SORCS3: variants seen among roughly 807,000 people sequenced by gnomAD.
SORCS3 encodes the protein sortilin related VPS10 domain containing receptor 3.
A neutral mutation model predicts 146.3 loss-of-function variants in SORCS3; 57 were observed. The ratio of observed to expected loss-of-function variants is 0.39; its 90% CI spans 0.31 to 0.49. The LOEUF is 0.49. Among genes scored for constraint, SORCS3 ranks in the 20% least tolerant of loss-of-function variants. The pLI, the probability that SORCS3 is intolerant of heterozygous loss-of-function variation, is 0.92. For synonymous variants in SORCS3, 653 were observed against 618.5 expected (o/e 1.06, Z -0.83); for missense variants, 1,341 against 1,575.5 (o/e 0.85, Z 2.52).
chr10:104,756,852 G>A (rs2017058842), intron 1 of SORCS3, among the ~76,000 whole-genome samples: 1 of 152,146 alleles, frequency 6.6e-6, no homozygotes, highest in Non-Finnish European at 1.5e-5. Context: ...AGTGTATGGG[G>A]AACATTCTGA....
At chr10:104,718,761 C>A (rs887262851) in intron 1 of SORCS3, among the ~76,000 whole-genome samples, 6 of 152,046 alleles carry the variant, frequency 3.9e-5, no homozygotes, top group Non-Finnish European at 8.8e-5. Flanking sequence ...ATGTGATGAA[C>A]AAAGTAGGCC....
chr10:104,970,312 A>G (rs1295292976), intron 3 of SORCS3, among the ~76,000 whole-genome samples: 1 of 151,952 alleles, frequency 6.6e-6, no homozygotes. Context: ...ACGCCCAGCT[A>G]ATTTTTGTAT....
chr10:105,131,002 C>T (rs2056014633), intron 7 of SORCS3, among the ~76,000 whole-genome samples: 2 of 152,092 alleles, frequency 1.3e-5, no homozygotes, highest in Non-Finnish European at 1.5e-5. Context: ...AATTCATCCA[C>T]GCATAAGACT....
chr10:105,100,039 C>A (rs750805456), intron 6 of SORCS3, among the ~76,000 whole-genome samples: 1 of 152,106 alleles, frequency 6.6e-6, no homozygotes, highest in Non-Finnish European at 1.5e-5. Context: ...GATCCTTGGT[C>A]CCACGTCTGT....
chr10:104,992,135 G>A (rs2054998212), intron 4 of SORCS3, among the ~76,000 whole-genome samples: 1 of 152,146 alleles, frequency 6.6e-6, no homozygotes, highest in Non-Finnish European at 1.5e-5. Context: ...TTGGCAGTAG[G>A]GTGTAGGGGA....
chr10:105,262,188 G>T, intron 25 of SORCS3, 143 bp from the exon 26 acceptor site: 2 of 716,256 alleles, frequency 2.8e-6, no homozygotes. Context: ...TAGCCTCATT[G>T]TCTCTGGGGT....
intron 2 of SORCS3, among the ~76,000 whole-genome samples, chr10:104,873,261 G>A (rs1235147018): frequency 6.6e-6 from 1 of 152,182 alleles, no homozygotes; most frequent in Non-Finnish European, 1.5e-5. Flanking sequence ...TTTCCTCAGT[G>A]GGATAAAACC....
At chr10:104,870,365 G>A (rs1285782372) in intron 2 of SORCS3, among the ~76,000 whole-genome samples, 1 of 151,942 alleles carries the variant, frequency 6.6e-6, no homozygotes, top group Admixed American at 6.6e-5. Context: ...TATGCAACAG[G>A]TATTTATTGA....
At chr10:104,883,787 C>T (rs746255001) in intron 2 of SORCS3, among the ~76,000 whole-genome samples, 8 of 152,124 alleles carry the variant, frequency 5.3e-5, no homozygotes, top group Non-Finnish European at 1.2e-4. Context: ...TTCTTTTCCT[C>T]TAAGGAGGCT....
At chr10:104,724,488 C>T (rs1294459734) in intron 1 of SORCS3, among the ~76,000 whole-genome samples, 8 of 151,876 alleles carry the variant, frequency 5.3e-5, no homozygotes, top group South Asian at 2.1e-4. Context: ...ATCTTTGTGG[C>T]GTTCTCTGTA....
chr10:104,894,770 A>G (rs760125007), intron 2 of SORCS3, among the ~76,000 whole-genome samples: 33 of 152,264 alleles, frequency 2.2e-4, no homozygotes, highest in Admixed American at 1.1e-3. Flanking sequence ...AAATTGGGGA[A>G]TGGAAAAGGA....
In SORCS3 at chr10:104,696,668, TATATAAC is replaced by T. The variant is rs1564661566; in HGVS notation, c.627+54720_627+54726del. ...ATATATATTATATACGTATATATAA[TATATAAC>T]ATATATAATATATAATATATATTAT... On this transcript the variant is annotated intron_variant, in intron 1 of 26. Coordinates refer to ENST00000369701, the MANE Select transcript of SORCS3 (RefSeq NM_014978.3). Among the ~76,000 whole-genome samples, 25 of 10,884 alleles carry T rather than the reference TATATAAC, an allele frequency of 2.3e-3. 1 individual carries two copies. The highest frequency in any genetic ancestry group is 3.5e-3 in the Non-Finnish European group (22 of 6,308). 7.1% of individuals were successfully genotyped at this position (10,884 alleles called of 152,430 possible). A position where few individuals can be genotyped will look rare whatever the true frequency, so the allele number is the denominator to read the frequency against.
chr10:105,038,047 T>C (rs932445077), intron 4 of SORCS3, among the ~76,000 whole-genome samples: 1 of 152,232 alleles, frequency 6.6e-6, no homozygotes, highest in Non-Finnish European at 1.5e-5. Context: ...TAGTCCTCGC[T>C]CTGTGTTTGT....
intron 1 of SORCS3, among the ~76,000 whole-genome samples, chr10:104,657,365 C>T (rs1298597470): frequency 6.6e-6 from 1 of 152,162 alleles, no homozygotes; most frequent in Non-Finnish European, 1.5e-5. Context: ...TATTTTGCAG[C>T]GTTTTTGCAG....
chr10:105,157,293 C>G lies in SORCS3; in HGVS notation c.1629+9C>G. 4 of 1,613,612 alleles carry G rather than the reference C, an allele frequency of 2.5e-6. No homozygotes were observed. The highest frequency in any genetic ancestry group is 3.4e-6 in the Non-Finnish European group (4 of 1,179,674). ...CAGTGCACTGCCTGCTGGTCAGTCA[C>G]TCAGCCTCATGGGAAGTTCACAGGG... On this transcript the variant is annotated intron_variant, in intron 10 of 26. Coordinates refer to ENST00000369701, the MANE Select transcript of SORCS3 (RefSeq NM_014978.3).
chr10:104,854,373 A>G (rs1425812998), intron 2 of SORCS3, among the ~76,000 whole-genome samples: 1 of 152,270 alleles, frequency 6.6e-6, no homozygotes, highest in Admixed American at 6.5e-5. Context: ...TGAGTGTGCC[A>G]TTTGTGTTCA....
intron 1 of SORCS3, among the ~76,000 whole-genome samples, chr10:104,653,503 C>CT (rs2015587759): frequency 6.6e-6 from 1 of 152,030 alleles, no homozygotes. Flanking sequence ...CTCAAGTAAT[C>CT]TTTTTCAGAG....
chr10:104,979,698 C>G (rs1176586649), intron 4 of SORCS3, among the ~76,000 whole-genome samples: 1 of 152,150 alleles, frequency 6.6e-6, no homozygotes, highest in Non-Finnish European at 1.5e-5. Context: ...CCCCTAAGGA[C>G]ACCCACATGA....
At chr10:105,044,317 C>T (rs1367608874) in intron 5 of SORCS3, among the ~76,000 whole-genome samples, 1 of 152,116 alleles carries the variant, frequency 6.6e-6, no homozygotes, top group East Asian at 1.9e-4. Flanking sequence ...CTGCAGTGTA[C>T]TCTAGCTTGG....
Sources: allele counts gnomAD v4.1 joint callset (sites outside exome capture counted in the v4.1 genomes callset), GRCh38; gene constraint gnomAD v4.1.1; transcripts MANE v1.5; gene names NCBI Gene and HGNC (gene_info 2026-07-23, HGNC 2026-07-21).